Variants in DNAI4 observed in about 807,000 individuals in gnomAD.
DNAI4 encodes dynein axonemal intermediate chain 4.
Under a neutral mutation model 105.8 loss-of-function variants are expected in DNAI4, and 85 were observed. The ratio of observed to expected loss-of-function variants is 0.80; its 90% CI spans 0.67 to 0.96. The LOEUF is 0.96. DNAI4 is among the 40% of genes least tolerant of loss of function. The pLI is 0.00. For synonymous variants in DNAI4, 352 were observed against 331.5 expected (o/e 1.06, Z -0.67); for missense variants, 1,014 against 1,005.6 (o/e 1.01, Z -0.11).
intron 4 of DNAI4, among the ~76,000 whole-genome samples, chr1:66,887,344 T>G (rs548710040): frequency 1.2e-3 from 178 of 152,330 alleles, no homozygotes; most frequent in Middle Eastern, 6.8e-3. Flanking sequence ...ATAAGCCCAA[T>G]AAAAGTTGTT....
chr1:66,824,773 T>G (rs1645713678), intron 15 of DNAI4, among the ~76,000 whole-genome samples: 1 of 152,218 alleles, frequency 6.6e-6, no homozygotes, highest in African/African-American at 2.4e-5. Flanking sequence ...TCCTGAGAGT[T>G]TGCTGAAGTT....
intron 7 of DNAI4, among the ~76,000 whole-genome samples, chr1:66,855,948 CCTCAGCCT>C (rs1646490873): frequency 6.6e-6 from 1 of 152,080 alleles, no homozygotes. Context: ...GATTCTCCTG[CCTCAGCCT>C]CCCAAGTAGC....
chr1:66,893,146 A>G, intron 3 of DNAI4, 83 bp downstream of exon 3: 1 of 673,952 alleles, frequency 1.5e-6, no homozygotes, highest in Non-Finnish European at 2.2e-6. Flanking sequence ...GAGACAACTG[A>G]TATCTAAGAT....
intron 5 of DNAI4, among the ~76,000 whole-genome samples, chr1:66,872,721 T>C (rs1254325621): frequency 2.6e-5 from 4 of 152,040 alleles, no homozygotes; most frequent in African/African-American, 4.8e-5. Flanking sequence ...ATTTATCTAT[T>C]TATTTATTTA....
At chr1:66,893,063 G>GAAAGAA (rs60123348) in intron 3 of DNAI4, among the ~76,000 whole-genome samples, 166 bp downstream of exon 3, 958 of 89,514 alleles carry the variant, frequency 0.011, 16 homozygotes, top group South Asian at 0.021. Context: ...AAGAGAGAGA[G>GAAAGAA]AGAAAGAAAG....
Position 66,826,898 on chromosome 1 carries a change from G to A in DNAI4, c.2261C>T (p.Ala754Val), listed in dbSNP as rs1162345155. 6.2e-7 allele frequency: 1 copy of A among 1,614,062 alleles called. No homozygotes were observed. The highest frequency in any genetic ancestry group is 8.5e-7 in the Non-Finnish European group (1 of 1,180,004). The change falls in exon 15 of 17, where the codon GCC (alanine) becomes GTC (valine). Residue 754 changes from alanine to valine, a missense_variant. Coordinates refer to ENST00000371026, the MANE Select transcript of DNAI4 (RefSeq NM_024763.5). ...TATATAGGATGATTTTGGAGACCAG[G>A]CAACGTCGTAAACAACAGAAGTAGC... ...YPATSVVYDV[A>V]WSPKSSYIFA...
chr1:66,826,363 A>G lies in DNAI4; in HGVS notation c.2339+457T>C, dbSNP rs780416835. Reference sequence around the variant, plus strand: ...GCCCAGGTTGGAGTACACTGGCGCAATCTTGGCTCACTGCAACCTCTGCCT... The same window carrying G: ...GCCCAGGTTGGAGTACACTGGCGCAGTCTTGGCTCACTGCAACCTCTGCCT... On this transcript the variant is annotated intron_variant, in intron 15 of 16. Transcript: ENST00000371026. Among the ~76,000 whole-genome samples the G allele has an allele frequency of 3.3e-5, 5 of 151,982 alleles. No individual in the cohort carries two copies. In the South Asian group the frequency reaches 6.2e-4, roughly 19 times the overall value.
chr1:66,830,764 G>A (rs1305359594), intron 13 of DNAI4, among the ~76,000 whole-genome samples: 1 of 150,960 alleles, frequency 6.6e-6, no homozygotes, highest in African/African-American at 2.4e-5. Context: ...CTGGACTATA[G>A]GGTGAGACCC....
At position 66,890,756 on chromosome 1, in the gene DNAI4, G is replaced by A. The variant is rs1282766685; in HGVS notation, c.643+398C>T. On this transcript the variant is annotated intron_variant, in intron 4 of 16. Coordinates refer to ENST00000371026, the MANE Select transcript of DNAI4 (RefSeq NM_024763.5). This position sits in a 1 kb window ranked among gnomAD's most constrained non-coding sequence, Gnocchi z 4.1. ...GGAAGAGGGGGAGAAGGAAGAGGAG[G>A]AGGAGGAAGAGGAAGAAGAGGAAGA... The A allele has an allele frequency of 7.8e-6, 2 of 257,464 alleles. No individual in the cohort carries two copies. Among genetic ancestry groups the A allele is most frequent in the African/African-American group, 4.7e-5 (2 of 42,286 alleles). The allele number at this position is 257,464 out of a possible 1,614,324, so 15.9% of individuals were successfully genotyped here. A position where few individuals can be genotyped will look rare whatever the true frequency, so the allele number is the denominator to read the frequency against.
At chr1:66,920,255 G>A (rs1372624034) in intron 1 of DNAI4, among the ~76,000 whole-genome samples, 2 of 152,142 alleles carry the variant, frequency 1.3e-5, no homozygotes, top group East Asian at 1.9e-4. Flanking sequence ...CTGAACTTCA[G>A]GGGAAGATTA....
At position 66,819,668 on chromosome 1, in the gene DNAI4, T is replaced by A. The variant is rs190960984; in HGVS notation, c.2496+2693A>T. On this transcript the variant is annotated intron_variant, in intron 16 of 16. Transcript: ENST00000371026. ...AGATTATTGTCACACTTGACAGGTTTTATATATATATATAATATACACACA... is the reference window on the plus strand; with the variant it reads ...AGATTATTGTCACACTTGACAGGTTATATATATATATATAATATACACACA... Among the ~76,000 whole-genome samples the A allele has an allele frequency of 2.6e-5, 4 of 151,584 alleles. No homozygotes were observed. The East Asian group carries it at 5.8e-4, about 22-fold the overall frequency.
At chr1:66,917,167 G>A (rs1279998201) in intron 1 of DNAI4, among the ~76,000 whole-genome samples, 1 of 152,164 alleles carries the variant, frequency 6.6e-6, no homozygotes, top group Non-Finnish European at 1.5e-5. Context: ...GGCTATATTT[G>A]TATAAATGTT....
chr1:66,814,568 CTG>C (rs1572572030), intron 16 of DNAI4, among the ~76,000 whole-genome samples: 1 of 152,164 alleles, frequency 6.6e-6, no homozygotes, highest in East Asian at 1.9e-4. Flanking sequence ...TACGGTTTCA[CTG>C]TGTTAGCTAG....
Position 66,835,751 on chromosome 1 carries a change from T to G in DNAI4, c.1608A>C (p.Pro536=). ...AAAAATCCACAGCAGTAACTCCATA[T>G]GGACTCTGATAAATACGTTCTGGCC... ...PMWPERIYQS[P]YGVTAVDFSI... The change falls in exon 11 of 17, where the codon CCA becomes CCC. Residue 536 remains proline, a synonymous_variant. Coordinates refer to ENST00000371026, the MANE Select transcript of DNAI4 (RefSeq NM_024763.5). The G allele has an allele frequency of 6.2e-7, 1 of 1,614,096 alleles. No homozygotes were observed. The highest frequency in any genetic ancestry group is 2.2e-5 in the East Asian group (1 of 44,854).
intron 2 of DNAI4, among the ~76,000 whole-genome samples, chr1:66,897,482 T>C (rs187843904): frequency 6.6e-6 from 1 of 152,188 alleles, no homozygotes; most frequent in East Asian, 1.9e-4. Context: ...ATAGAAGGGA[T>C]CATAAAGACA....
intron 6 of DNAI4, among the ~76,000 whole-genome samples, chr1:66,870,605 C>T (rs943466708): frequency 4.0e-5 from 6 of 149,884 alleles, no homozygotes; most frequent in Admixed American, 1.3e-4. Flanking sequence ...CAAAAATTCG[C>T]CGGGCATGAT....
intron 3 of DNAI4, among the ~76,000 whole-genome samples, chr1:66,892,950 GAAGAAAGA>G (rs71058479): frequency 0.062 from 5,693 of 91,890 alleles, 233 homozygotes; most frequent in Middle Eastern, 0.081. Flanking sequence ...AGAAGAAAGA[GAAGAAAGA>G]AAGAAAGAAA....
intron 2 of DNAI4, among the ~76,000 whole-genome samples, chr1:66,903,099 G>A (rs1160238918): frequency 6.6e-6 from 1 of 152,036 alleles, no homozygotes; most frequent in South Asian, 2.1e-4. Context: ...GATTTTGGAG[G>A]GAATGTATTG....
intron 11 of DNAI4, among the ~76,000 whole-genome samples, chr1:66,834,767 C>A (rs1645945427): frequency 1.3e-5 from 2 of 152,080 alleles, no homozygotes. Flanking sequence ...ATTTTTAATA[C>A]AAACCCTCCA....
Sources: gnomAD v4.1 joint callset for allele counts (sites outside exome capture counted in the v4.1 genomes callset) on GRCh38, gnomAD v4.1.1 for gene constraint, Gnocchi (gnomAD v3.1) non-coding constraint, MANE v1.5 for transcripts, NCBI Gene and HGNC (gene_info 2026-07-23, HGNC 2026-07-21) for gene names.